The following CHML variants were observed in gnomAD, a reference collection of about 807,000 sequenced individuals.
CHML encodes CHM like Rab escort protein.
CHML carries 20 observed loss-of-function variants against 30.4 expected under a neutral mutation model. The ratio of observed to expected loss-of-function variants is 0.66; its 90% CI spans 0.46 to 0.95. The LOEUF (loss-of-function observed/expected upper bound fraction) is 0.95. Among genes scored for constraint, CHML ranks in the 40% least tolerant of loss-of-function variants. CHML has a pLI of 0.00. For missense variants in CHML, 795 were observed against 768.5 expected, an observed-to-expected ratio of 1.03 and a Z score of -0.41; for synonymous variants, 281 against 275.0, an observed-to-expected ratio of 1.02 and a Z score of -0.22.
chr1:241,634,396 T>C lies in CHML; in HGVS notation c.1371A>G (p.Ala457=), dbSNP rs1305498550. ...SNVQYKQISR[A]VLITDQSILK... Reference sequence around the variant, plus strand: ...GTATAGACTGATCTGTAATGAGTACTGCCCTAGAGATCTGCTTATACTGCA... The same window carrying C: ...GTATAGACTGATCTGTAATGAGTACCGCCCTAGAGATCTGCTTATACTGCA... The change falls in exon 2 of 2, where the codon GCA becomes GCG. Residue 457 remains alanine, a synonymous_variant. Transcript: ENST00000366553. 9.9e-6 allele frequency: 16 copies of C among 1,613,784 alleles called. No individual in the cohort carries two copies. The highest frequency in any genetic ancestry group is 2.7e-5 in the African/African-American group (2 of 74,936).
Position 241,635,420 on chromosome 1 carries a change from A to G in CHML, c.347T>C (p.Ile116Thr), listed in dbSNP as rs1244570150. Residue 116 changes from isoleucine to threonine, a missense_variant, in exon 2 of 2, where the codon ATT becomes ACT. Ile to Thr is a moderately conservative substitution (Grantham distance 89). Transcript: ENST00000366553. ...SQDMEDNVEEIGALQKNPSLG... is the reference protein window; with the variant it reads ...SQDMEDNVEETGALQKNPSLG... ...AGAAGGATTTTTCTGCAGAGCACCAATCTCTTCAACGTTGTCCTCCATATC... is the reference window on the plus strand; with the variant it reads ...AGAAGGATTTTTCTGCAGAGCACCAGTCTCTTCAACGTTGTCCTCCATATC... The G allele has an allele frequency of 3.7e-6, 6 of 1,613,904 alleles. No individual in the cohort carries two copies. The Admixed American group carries it at 5.0e-5, about 13-fold the overall frequency.
rs772389728 is a variant in CHML at position 241,635,736 on chromosome 1, C to T, written c.31G>A (p.Val11Met). Residue 11 changes from valine (V) to methionine (M), a missense_variant, in exon 2 of 2, where the codon GTG becomes ATG. Transcript: ENST00000366553. ...GGCAAACCTGTCCCTATTATAACCA[C>T]ATCAAACTCTGTGGGAAGATTGTCC... is the stretch of plus-strand genomic sequence containing the variant. Reference protein sequence around the residue: MADNLPTEFDVVIIGTGLPES... With the variant: MADNLPTEFDMVIIGTGLPES... The T allele has an allele frequency of 1.2e-6, 2 of 1,612,156 alleles. No individual in the cohort carries two copies. Among genetic ancestry groups the T allele is most frequent in the South Asian group, 2.2e-5 (2 of 90,830 alleles).
chr1:241,628,880 T>C lies in CHML; in HGVS notation c.*4916A>G, dbSNP rs2148018926. 6.5e-6 allele frequency: 1 copy of C among 152,706 alleles called. No individual in the cohort carries two copies. 9.5% of individuals were successfully genotyped at this position (152,706 alleles called of 1,614,324 possible). On this transcript the variant is annotated 3_prime_UTR_variant, in exon 2 of 2. Coordinates refer to ENST00000366553, the MANE Select transcript of CHML (RefSeq NM_001381853.1). ...GTAAACCACTTTACCAATTAATCTT[T>C]TATTTTTTATTGCATACATCAATAT...
At position 241,633,683 on chromosome 1, in the gene CHML, GC is replaced by G; in HGVS notation, c.*112del. Reference sequence around the variant, plus strand: ...GAGAGTTAAAGACAACATCTGCATAGCATTCATCATATATAACCACTTCTAA... The same window carrying G: ...GAGAGTTAAAGACAACATCTGCATAGATTCATCATATATAACCACTTCTAA... On this transcript the variant is annotated 3_prime_UTR_variant, in exon 2 of 2. Transcript: ENST00000366553. 1 of 1,050,122 alleles carries G rather than the reference GC, an allele frequency of 9.5e-7. No homozygotes were observed. Among genetic ancestry groups the G allele is most frequent in the Non-Finnish European group, 1.4e-6 (1 of 712,216 alleles). The allele number at this position is 1,050,122 out of a possible 1,614,324, so 65.1% of individuals were successfully genotyped here.
rs1380111559 is a variant in CHML at position 241,640,318 on chromosome 1, T to C, written c.-744A>G. Reference sequence around the variant, plus strand: ...GCTTGCGGCGGGGCTCGCGGCGCGCTCCGCACTGGGTGGGGTTGGGGCTCC... The same window carrying C: ...GCTTGCGGCGGGGCTCGCGGCGCGCCCCGCACTGGGTGGGGTTGGGGCTCC... On this transcript the variant is annotated 5_prime_UTR_variant, in exon 1 of 2. Transcript: ENST00000366553. 5 of 1,095,162 alleles carry C rather than the reference T, an allele frequency of 4.6e-6. No homozygotes were observed. The highest frequency in any genetic ancestry group is 2.2e-6 in the Non-Finnish European group (2 of 904,550). 67.8% of individuals were successfully genotyped at this position (1,095,162 alleles called of 1,614,324 possible). A position where few individuals can be genotyped will look rare whatever the true frequency, so the allele number is the denominator to read the frequency against.
At chr1:241,639,178 T>C (rs933180688) in intron 1 of CHML, 5 of 152,246 alleles carry the variant, frequency 3.3e-5, no homozygotes, top group Non-Finnish European at 7.3e-5. Flanking sequence ...ACAGTATTTG[T>C]TCACCTGAGA....
Position 241,634,495 on chromosome 1 carries a change from G to A in CHML, c.1272C>T (p.His424=), listed in dbSNP as rs1282393629. 3 of 1,613,682 alleles carry A rather than the reference G, an allele frequency of 1.9e-6. No individual in the cohort carries two copies. The highest frequency in any genetic ancestry group is 2.5e-6 in the Non-Finnish European group (3 of 1,179,914). The change falls in exon 2 of 2, where the codon CAC becomes CAT. Residue 424 remains histidine (H), a synonymous_variant. Transcript: ENST00000366553. ...ESGRCKAIID[H]FGQRINAKYF... is the part of the protein sequence containing the mutation. ...ATTTAGCATTTATTCTTTGACCAAA[G>A]TGATCTATAATTGCTTTACATCGTC...
In CHML at chr1:241,633,728, G is replaced by T. The variant is rs1200303455; in HGVS notation, c.*68C>A. 73 of 1,538,230 alleles carry T rather than the reference G, an allele frequency of 4.7e-5. No homozygotes were observed. The highest frequency in any genetic ancestry group is 1.9e-4 in the Middle Eastern group (1 of 5,324). ...CTTCTAATTACTCATATGGGAAACT[G>T]TCCTTTAAATGAGAAAATTCTGATG... On this transcript the variant is annotated 3_prime_UTR_variant, in exon 2 of 2. Transcript: ENST00000366553.
At position 241,635,479 on chromosome 1, in the gene CHML, A is replaced by G. The variant is rs1220162307; in HGVS notation, c.288T>C (p.Ile96=). The change falls in exon 2 of 2, where the codon ATT becomes ATC. Residue 96 remains isoleucine (I), a synonymous_variant. Transcript: ENST00000366553. ...AITLRKKDET[I]QHTEAFCYAS... is the part of the protein sequence containing the mutation. ...CGTAGCAAAAAGCTTCTGTGTGTTG[A>G]ATAGTTTCATCCTTCTTGCGAAGAG... 6.2e-7 allele frequency: 1 copy of G among 1,613,854 alleles called. No homozygotes were observed. Among genetic ancestry groups the G allele is most frequent in the African/African-American group, 1.3e-5 (1 of 75,024 alleles).
chr1:241,634,112 A>G lies in CHML; in HGVS notation c.1655T>C (p.Leu552Pro), dbSNP rs1394273794. 6.2e-7 allele frequency: 1 copy of G among 1,609,708 alleles called. No homozygotes were observed. The highest frequency in any genetic ancestry group is 8.5e-7 in the Non-Finnish European group (1 of 1,178,720). The change falls in exon 2 of 2, where the codon CTT becomes CCT. Residue 552 changes from leucine to proline, a missense_variant. Coordinates refer to ENST00000366553, the MANE Select transcript of CHML (RefSeq NM_001381853.1). Reference protein sequence around the residue: ...ELTKPRLLWALYFNMRDSSGI... With the variant: ...ELTKPRLLWAPYFNMRDSSGI... ...CGAGGAATCTCTCATATTAAAATAA[A>G]GAGCCCACAAGAGTCTTGGCTTTGT...
rs1170805138 is a variant in CHML at position 241,630,820 on chromosome 1, AC to A, written c.*2975del. ...TTTTGAAAAGTTATCTGTAATTAATACTTTGGATTTTACTATTTGTTCTTTT... is the reference window on the plus strand; with the variant it reads ...TTTTGAAAAGTTATCTGTAATTAATATTTGGATTTTACTATTTGTTCTTTT... On this transcript the variant is annotated 3_prime_UTR_variant, in exon 2 of 2. Transcript: ENST00000366553. 2.0e-5 allele frequency: 3 copies of A among 152,070 alleles called. No individual in the cohort carries two copies. Among genetic ancestry groups the A allele is most frequent in the Non-Finnish European group, 2.9e-5 (2 of 67,956 alleles). The allele number at this position is 152,070 out of a possible 1,614,324, so 9.4% of individuals were successfully genotyped here.
chr1:241,628,870 A>C lies in CHML; in HGVS notation c.*4926T>G, dbSNP rs1664504013. 1 of 152,580 alleles carries C rather than the reference A, an allele frequency of 6.6e-6. No homozygotes were observed. Among genetic ancestry groups the C allele is most frequent in the Non-Finnish European group, 1.5e-5 (1 of 68,032 alleles). The allele number at this position is 152,580 out of a possible 1,614,324, so 9.5% of individuals were successfully genotyped here. A position where few individuals can be genotyped will look rare whatever the true frequency, so the allele number is the denominator to read the frequency against. Reference sequence around the variant, plus strand: ...CACCAGTTCAGTAAACCACTTTACCAATTAATCTTTTATTTTTTATTGCAT... The same window carrying C: ...CACCAGTTCAGTAAACCACTTTACCCATTAATCTTTTATTTTTTATTGCAT... On this transcript the variant is annotated 3_prime_UTR_variant, in exon 2 of 2. Coordinates refer to ENST00000366553, the MANE Select transcript of CHML (RefSeq NM_001381853.1).
Position 241,635,288 on chromosome 1 carries a change from T to C in CHML, c.479A>G (p.Lys160Arg), listed in dbSNP as rs1012464106. The change falls in exon 2 of 2, where the codon AAA (lysine) becomes AGA (arginine). Residue 160 changes from lysine to arginine, a missense_variant. Physicochemically the swap from Lys to Arg is conservative, Grantham distance 26. Coordinates refer to ENST00000366553, the MANE Select transcript of CHML (RefSeq NM_001381853.1). ...SDEMPAKHTQ[K>R]SDTEISLEVT... is the part of the protein sequence containing the mutation. Reference sequence around the variant, plus strand: ...TTCTAGTGAAATCTCTGTATCACTTTTCTGAGTGTGTTTTGCAGGCATTTC... The same window carrying C: ...TTCTAGTGAAATCTCTGTATCACTTCTCTGAGTGTGTTTTGCAGGCATTTC... 1.2e-6 allele frequency: 2 copies of C among 1,613,896 alleles called. No individual in the cohort carries two copies. Among genetic ancestry groups the C allele is most frequent in the Non-Finnish European group, 1.7e-6 (2 of 1,179,932 alleles).
In CHML at chr1:241,639,981, G is replaced by A; in HGVS notation, c.-407C>T. The A allele has an allele frequency of 1.2e-6, 2 of 1,612,714 alleles. No homozygotes were observed. Among genetic ancestry groups the A allele is most frequent in the African/African-American group, 1.3e-5 (1 of 74,874 alleles). On this transcript the variant is annotated 5_prime_UTR_variant, in exon 1 of 2. Coordinates refer to ENST00000366553, the MANE Select transcript of CHML (RefSeq NM_001381853.1). Reference sequence around the variant, plus strand: ...ACGAAGGTAAAGGTGACCCCGAAGAGGGACACCAGCAGGTCGCTGAGGCTG... The same window carrying A: ...ACGAAGGTAAAGGTGACCCCGAAGAAGGACACCAGCAGGTCGCTGAGGCTG...
rs1664811966 is a variant in CHML, at chr1:241,634,783, AGTTTTT to A, written c.978_983del (p.Leu326_Thr328delinsPhe). 2 of 1,613,936 alleles carry A rather than the reference AGTTTTT, an allele frequency of 1.2e-6. No individual in the cohort carries two copies. The highest frequency in any genetic ancestry group is 1.7e-5 in the Admixed American group (1 of 60,002). On this transcript the variant is annotated inframe_deletion, in exon 2 of 2. Transcript: ENST00000366553. ...GTTGAAGGTTGGGAGTTAGTTTTTT[AGTTTTT>A]AAGTATTCTGAAAATGAACACTGCC...
chr1:241,638,568 A>G (rs2145907), intron 1 of CHML, among the ~76,000 whole-genome samples: 1,602 of 152,288 alleles, frequency 0.011, 31 homozygotes, highest in African/African-American at 0.037. Context: ...CCTGATAGGT[A>G]TTTTACAATT....
chr1:241,640,032 G>A lies in CHML; in HGVS notation c.-458C>T. On this transcript the variant is annotated 5_prime_UTR_variant, in exon 1 of 2. Transcript: ENST00000366553. ...ATGTTGACCAGGAGGAGGTGAGTGGGAGTGCGGAGCCGCTGGAACTTGTAG... is the reference window on the plus strand; with the variant it reads ...ATGTTGACCAGGAGGAGGTGAGTGGAAGTGCGGAGCCGCTGGAACTTGTAG... 1 of 1,613,426 alleles carries A rather than the reference G, an allele frequency of 6.2e-7. No homozygotes were observed. Among genetic ancestry groups the A allele is most frequent in the Non-Finnish European group, 8.5e-7 (1 of 1,179,728 alleles).
At position 241,630,563 on chromosome 1, in the gene CHML, T is replaced by C. The variant is rs971719819; in HGVS notation, c.*3233A>G. On this transcript the variant is annotated 3_prime_UTR_variant, in exon 2 of 2. Transcript: ENST00000366553. Reference sequence around the variant, plus strand: ...TAAAGCCATGTTAATAGAAAATATTTATGCTACTTTCCTTATCTTCCTCAT... The same window carrying C: ...TAAAGCCATGTTAATAGAAAATATTCATGCTACTTTCCTTATCTTCCTCAT... 1 of 152,098 alleles carries C rather than the reference T, an allele frequency of 6.6e-6. No homozygotes were observed. The highest frequency in any genetic ancestry group is 1.5e-5 in the Non-Finnish European group (1 of 67,944). 9.4% of individuals were successfully genotyped at this position (152,098 alleles called of 1,614,324 possible).
In CHML at chr1:241,639,999, T is replaced by C; in HGVS notation, c.-425A>G. On this transcript the variant is annotated 5_prime_UTR_variant, in exon 1 of 2. Transcript: ENST00000366553. ...CCGAAGAGGGACACCAGCAGGTCGC[T>C]GAGGCTGATGTTGACCAGGAGGAGG... 18 of 1,613,022 alleles carry C rather than the reference T, an allele frequency of 1.1e-5. No homozygotes were observed. The South Asian group carries it at 1.2e-4, about 11-fold the overall frequency.
Sources: gnomAD v4.1 joint callset for allele counts (sites outside exome capture counted in the v4.1 genomes callset) on GRCh38, gnomAD v4.1.1 for gene constraint, MANE v1.5 for transcripts, NCBI Gene and HGNC (gene_info 2026-07-23, HGNC 2026-07-21) for gene names.